The following CNTN3 variants were observed in gnomAD, a reference collection of about 807,000 sequenced individuals.
The protein encoded by CNTN3 is contactin-3.
Under a neutral mutation model 119.1 loss-of-function variants are expected in CNTN3, and 60 were observed. The observed-to-expected ratio is 0.50, with a 90% CI of 0.41 to 0.62. The LOEUF (loss-of-function observed/expected upper bound fraction) is 0.62. CNTN3 is among the 20% of genes least tolerant of loss of function. The pLI, the probability that CNTN3 is intolerant of heterozygous loss-of-function variation, is 0.00. For synonymous variants in CNTN3, 450 were observed against 438.7 expected (o/e 1.03, Z -0.32); for missense variants, 1,101 against 1,242.4 (o/e 0.89, Z 1.71).
chr3:74,503,679 T>TA (rs1703204053), intron 2 of CNTN3, among the ~76,000 whole-genome samples: 1 of 152,156 alleles, frequency 6.6e-6, no homozygotes, highest in African/African-American at 2.4e-5. Flanking sequence ...TCATAACCAG[T>TA]AAAAAGCACC....
chr3:74,429,601 C>A (rs1701750562), intron 4 of CNTN3, among the ~76,000 whole-genome samples: 1 of 151,968 alleles, frequency 6.6e-6, no homozygotes, highest in Admixed American at 6.6e-5. Context: ...GACTTGACAC[C>A]AATTGAATGG....
chr3:74,331,728 C>T (rs1703269087), intron 13 of CNTN3, among the ~76,000 whole-genome samples: 2 of 152,152 alleles, frequency 1.3e-5, no homozygotes, highest in African/African-American at 4.8e-5. Context: ...TTTTGATTCG[C>T]CCCATGATCA....
intron 8 of CNTN3, among the ~76,000 whole-genome samples, chr3:74,368,302 T>A (rs575987344): frequency 6.6e-6 from 1 of 152,242 alleles, no homozygotes; most frequent in African/African-American, 2.4e-5. Context: ...CATGCACATA[T>A]GCTATCCAAG....
chr3:74,413,397 T>C (rs75582276), intron 5 of CNTN3, among the ~76,000 whole-genome samples: 1,872 of 152,280 alleles, frequency 0.012, 29 homozygotes, highest in Non-Finnish European at 0.019. Context: ...TCTCCATGTG[T>C]TTCATATACA....
intron 5 of CNTN3, among the ~76,000 whole-genome samples, chr3:74,395,819 G>A (rs1340379912): frequency 6.6e-6 from 1 of 151,860 alleles, no homozygotes; most frequent in Non-Finnish European, 1.5e-5. Flanking sequence ...AAGTCCATTG[G>A]CACCATTTTC....
chr3:74,456,489 T>C (rs572500351), intron 4 of CNTN3, among the ~76,000 whole-genome samples: 2 of 152,160 alleles, frequency 1.3e-5, no homozygotes, highest in South Asian at 4.1e-4. Flanking sequence ...AATGATGTGT[T>C]TATTTTGGAG....
intron 1 of CNTN3, among the ~76,000 whole-genome samples, chr3:74,535,310 C>T (rs1399001705): frequency 5.3e-5 from 8 of 152,046 alleles, no homozygotes; most frequent in Non-Finnish European, 1.5e-5. Context: ...AAGTGTAAAT[C>T]TAAATTGGGG....
chr3:74,564,203 G>C (rs1240193727), intron 1 of CNTN3, among the ~76,000 whole-genome samples: 1 of 152,014 alleles, frequency 6.6e-6, no homozygotes, highest in African/African-American at 2.4e-5. Flanking sequence ...AAGAAACAAT[G>C]AGCAGGTCAA....
chr3:74,448,779 G>A (rs558251429), intron 4 of CNTN3, among the ~76,000 whole-genome samples: 105 of 152,168 alleles, frequency 6.9e-4, no homozygotes, highest in African/African-American at 2.4e-3. Flanking sequence ...TACCAGAATG[G>A]TCCATTTCAT....
rs541261059 is a variant in CNTN3 at position 74,479,062 on chromosome 3, G to T, written c.358+7394C>A. 7.8e-4 allele frequency among the ~76,000 whole-genome samples: 119 copies of T among 152,216 alleles called. 4 individuals are homozygous for T. In the South Asian group the frequency reaches 0.018, roughly 24 times the overall value. ...AATAGAGATAAAAGTCAAAGAGAAG[G>T]AAATTTGAAGAGACTGTCTGGGGGA... On this transcript the variant is annotated intron_variant, in intron 4 of 22. Transcript: ENST00000263665.
intron 5 of CNTN3, among the ~76,000 whole-genome samples, chr3:74,372,180 G>A (rs927861269): frequency 3.9e-5 from 6 of 152,080 alleles, no homozygotes; most frequent in African/African-American, 1.4e-4. Flanking sequence ...AACAAGCGAT[G>A]TTAGTTTTTA....
chr3:74,267,285 G>A lies in CNTN3; in HGVS notation c.2798C>T (p.Ser933Leu), dbSNP rs758059643. The stretch of plus-strand genomic sequence containing the variant: ...ACTTACTTTATATCCTGTTACTTCT[G>A]ACTCATTCTCCATGGCTTTAACTTG... ...WEQVKAMENE[S>L]EVTGYKVFYR... Residue 933 changes from serine (S) to leucine (L), a missense_variant, in exon 21 of 23, where the codon TCA (serine) becomes TTA (leucine). Physicochemically the swap from Ser to Leu is moderately radical, Grantham distance 145. Transcript: ENST00000263665. 6.2e-7 allele frequency: 1 copy of A among 1,610,528 alleles called. No homozygotes were observed. Among genetic ancestry groups the A allele is most frequent in the African/African-American group, 1.3e-5 (1 of 74,800 alleles).
At position 74,597,123 on chromosome 3, in the gene CNTN3, C is replaced by T. The variant is rs114890279; in HGVS notation, c.-81+17268G>A. Among the ~76,000 whole-genome samples the T allele has an allele frequency of 6.8e-3, 1,033 of 152,172 alleles. 10 individuals are homozygous for T. The highest frequency in any genetic ancestry group is 0.023 in the African/African-American group (958 of 41,540). On this transcript the variant is annotated intron_variant, in intron 1 of 22. Coordinates refer to ENST00000263665, the MANE Select transcript of CNTN3 (RefSeq NM_020872.3). ...AAACTCCAGTCTCTACCCATTAGTT[C>T]ACAGGTCTGACATTTAAAAATTTGT...
chr3:74,364,388 A>T, intron 10 of CNTN3, 79 bp downstream of exon 10: 1 of 1,391,498 alleles, frequency 7.2e-7, no homozygotes, highest in South Asian at 1.3e-5. Context: ...TAATGTGAAA[A>T]GTAAATATTA....
chr3:74,552,086 A>AAAC (rs1704000840), intron 1 of CNTN3, among the ~76,000 whole-genome samples: 1 of 152,070 alleles, frequency 6.6e-6, no homozygotes, highest in East Asian at 1.9e-4. Flanking sequence ...TTCACTTAGT[A>AAAC]CTAAGCATTT....
chr3:74,592,433 C>T (rs1349948231), intron 1 of CNTN3, among the ~76,000 whole-genome samples: 1 of 151,668 alleles, frequency 6.6e-6, no homozygotes, highest in Non-Finnish European at 1.5e-5. Flanking sequence ...AAAAAATACG[C>T]TTACTCTAAA....
At chr3:74,444,231 AACAACATCCC>A (rs1212578882) in intron 4 of CNTN3, among the ~76,000 whole-genome samples, 1 of 151,808 alleles carries the variant, frequency 6.6e-6, no homozygotes, top group African/African-American at 2.4e-5. Context: ...CCTATTTTCA[AACAACATCCC>A]ATTCTGAGGC....
intron 4 of CNTN3, among the ~76,000 whole-genome samples, chr3:74,468,262 G>T (rs7433810): frequency 0.51 from 77,041 of 152,062 alleles, 20,063 homozygotes; most frequent in Non-Finnish European, 0.57. Flanking sequence ...ATGTTAAAAT[G>T]CTATTGATAT....
intron 4 of CNTN3, among the ~76,000 whole-genome samples, chr3:74,433,341 C>G (rs1047705818): frequency 6.6e-6 from 1 of 152,150 alleles, no homozygotes; most frequent in Non-Finnish European, 1.5e-5. Context: ...AGGTGTGATA[C>G]AGGGCATCAA....
Sources: gnomAD v4.1 joint callset for allele counts (sites outside exome capture counted in the v4.1 genomes callset) on GRCh38, gnomAD v4.1.1 for gene constraint, MANE v1.5 for transcripts, NCBI Gene and HGNC (gene_info 2026-07-23, HGNC 2026-07-21) for gene names.